Variants in TMEM132D observed in about 807,000 individuals in gnomAD.
TMEM132D encodes the protein mature OL transmembrane protein.
Under a neutral mutation model 62.3 loss-of-function variants are expected in TMEM132D, and 21 were observed. The ratio of observed to expected loss-of-function variants is 0.34; its 90% CI spans 0.24 to 0.49. The LOEUF is 0.49. TMEM132D is among the 20% of genes least tolerant of loss of function. The pLI, the probability that TMEM132D is intolerant of heterozygous loss-of-function variation, is 0.99. For missense variants in TMEM132D, 1,346 were observed against 1,402.8 expected (o/e 0.96, Z 0.65); for synonymous variants, 621 against 575.6 (o/e 1.08, Z -1.13).
intron 2 of TMEM132D, among the ~76,000 whole-genome samples, chr12:129,550,321 T>C (rs1876859259): frequency 6.6e-6 from 1 of 152,212 alleles, no homozygotes; most frequent in African/African-American, 2.4e-5. Flanking sequence ...TGAGGATTAA[T>C]TCCTCTGCCT....
chr12:129,503,037 C>T (rs1875204142), intron 3 of TMEM132D, among the ~76,000 whole-genome samples: 1 of 152,090 alleles, frequency 6.6e-6, no homozygotes, highest in East Asian at 1.9e-4. Context: ...AATAGGTGTC[C>T]AATAAATATT....
chr12:129,720,281 T>G (rs554852867), intron 1 of TMEM132D, among the ~76,000 whole-genome samples: 1 of 152,278 alleles, frequency 6.6e-6, no homozygotes, highest in South Asian at 2.1e-4. Flanking sequence ...ACACTCTACC[T>G]TTCAGTCATT....
At chr12:129,500,800 T>C (rs1166200358) in intron 3 of TMEM132D, among the ~76,000 whole-genome samples, 3 of 152,172 alleles carry the variant, frequency 2.0e-5, no homozygotes, top group Non-Finnish European at 2.9e-5. Flanking sequence ...AAAAGCTTAA[T>C]TGTATTTGTG....
At chr12:129,660,318 ACAGCACC>A (rs66577349) in intron 2 of TMEM132D, among the ~76,000 whole-genome samples, 114,618 of 151,312 alleles carry the variant, frequency 0.76, 43,806 homozygotes, top group East Asian at 0.84. Flanking sequence ...GGATGCAAGG[ACAGCACC>A]AGGGAAAGAC....
chr12:129,650,869 T>C (rs914561832), intron 2 of TMEM132D, among the ~76,000 whole-genome samples: 1 of 152,222 alleles, frequency 6.6e-6, no homozygotes, highest in Admixed American at 6.5e-5. Context: ...ATACTTTATA[T>C]ATAAGACTAC....
At chr12:129,405,918 T>A (rs928670167) in intron 3 of TMEM132D, among the ~76,000 whole-genome samples, 2 of 152,100 alleles carry the variant, frequency 1.3e-5, no homozygotes, top group Non-Finnish European at 2.9e-5. Flanking sequence ...GAAGGGAAAA[T>A]CTCATCAGAT....
At position 129,197,076 on chromosome 12, in the gene TMEM132D, T is replaced by C. The variant is rs577114113; in HGVS notation, c.1443+12444A>G. ...AGTATTTTCAGCATTGCAGGCCATA[T>C]GATTTCTCTCACAACAGCTCAACTC... On this transcript the variant is annotated intron_variant, in intron 5 of 8. Transcript: ENST00000422113. 1.2e-4 allele frequency among the ~76,000 whole-genome samples: 18 copies of C among 152,334 alleles called. No individual in the cohort carries two copies. The South Asian group carries it at 3.7e-3, about 32-fold the overall frequency.
chr12:129,257,144 T>C (rs1880423957), intron 4 of TMEM132D, among the ~76,000 whole-genome samples: 1 of 150,966 alleles, frequency 6.6e-6, no homozygotes, highest in South Asian at 2.1e-4. Flanking sequence ...GGCAGATGAG[T>C]CAATTGATCA....
intron 3 of TMEM132D, among the ~76,000 whole-genome samples, chr12:129,411,034 TTTG>T (rs879382031): frequency 6.6e-5 from 10 of 152,296 alleles, no homozygotes; most frequent in Non-Finnish European, 1.5e-4. Context: ...TGTTAACTGT[TTTG>T]TTGTTGTTTA....
At chr12:129,182,809 T>TAACAGCAGATATTGTTTAG (rs1878105502) in intron 5 of TMEM132D, among the ~76,000 whole-genome samples, 1 of 152,244 alleles carries the variant, frequency 6.6e-6, no homozygotes, top group Admixed American at 6.5e-5. Flanking sequence ...TTATCTGCTG[T>TAACAGCAGATATTGTTTAG]GGAGAAACAA....
chr12:129,463,739 C>G (rs554218664), intron 3 of TMEM132D, among the ~76,000 whole-genome samples: 2 of 152,076 alleles, frequency 1.3e-5, no homozygotes, highest in South Asian at 4.2e-4. Flanking sequence ...GTTTTTTGTC[C>G]TTGCAATAGT....
intron 4 of TMEM132D, among the ~76,000 whole-genome samples, chr12:129,294,803 C>A (rs1458743543): frequency 1.3e-5 from 2 of 152,192 alleles, no homozygotes; most frequent in Non-Finnish European, 2.9e-5. Flanking sequence ...ATCTAGTTAC[C>A]AAATGATAAT....
At chr12:129,670,804 A>G (rs903777715) in intron 2 of TMEM132D, among the ~76,000 whole-genome samples, 1 of 152,208 alleles carries the variant, frequency 6.6e-6, no homozygotes, top group African/African-American at 2.4e-5. Flanking sequence ...AAACATTTCT[A>G]TTTTAGGCAC....
intron 2 of TMEM132D, among the ~76,000 whole-genome samples, chr12:129,654,464 C>G: frequency 6.6e-6 from 1 of 152,214 alleles, no homozygotes; most frequent in African/African-American, 2.4e-5. Context: ...TAGATCTATG[C>G]TTTGTACATG....
At chr12:129,186,441 G>A (rs182817418) in intron 5 of TMEM132D, among the ~76,000 whole-genome samples, 1 of 152,154 alleles carries the variant, frequency 6.6e-6, no homozygotes, top group Admixed American at 6.5e-5. Flanking sequence ...AGAAGAGGGG[G>A]CCCAGGCTTT....
chr12:129,087,855 GGGGTGTCCTCCATGACC>G (rs1565959346), intron 5 of TMEM132D, among the ~76,000 whole-genome samples: 5 of 119,854 alleles, frequency 4.2e-5, no homozygotes, highest in South Asian at 2.7e-4. Context: ...GCAGAGCCCC[GGGGTGTCCTCCATGACC>G]GGGTGTCCTC....
intron 2 of TMEM132D, among the ~76,000 whole-genome samples, chr12:129,563,655 G>C (rs892908978): frequency 6.6e-6 from 1 of 152,104 alleles, no homozygotes; most frequent in Admixed American, 6.6e-5. Flanking sequence ...GTCCTTTTAG[G>C]ATAGATTCAG....
At chr12:129,449,811 C>T (rs1428219069) in intron 3 of TMEM132D, among the ~76,000 whole-genome samples, 7 of 152,210 alleles carry the variant, frequency 4.6e-5, no homozygotes, top group Admixed American at 3.3e-4. Context: ...AACCCCGACT[C>T]CCCAGACAGA....
intron 2 of TMEM132D, among the ~76,000 whole-genome samples, chr12:129,629,318 C>T (rs919501092): frequency 2.0e-5 from 3 of 152,192 alleles, no homozygotes; most frequent in South Asian, 4.1e-4. Flanking sequence ...GTGGCACTTT[C>T]CAGAATTATA....
Sources: gnomAD v4.1 joint callset for allele counts (sites outside exome capture counted in the v4.1 genomes callset) on GRCh38, gnomAD v4.1.1 for gene constraint, MANE v1.5 for transcripts, NCBI Gene and HGNC (gene_info 2026-07-23, HGNC 2026-07-21) for gene names.